Variants in PPP1R14C observed in about 807,000 individuals in gnomAD.
PPP1R14C encodes the protein protein phosphatase 1 regulatory subunit 14C.
A neutral mutation model predicts 20.4 loss-of-function variants in PPP1R14C; 16 were observed. The ratio of observed to expected loss-of-function variants is 0.78; its 90% CI spans 0.53 to 1.19. The LOEUF (loss-of-function observed/expected upper bound fraction) is 1.19, where lower values mean the gene tolerates loss of function less well. Among genes scored for constraint, PPP1R14C ranks in the 50% most tolerant of loss-of-function variants. PPP1R14C has a pLI of 0.00. For synonymous variants in PPP1R14C, 91 were observed against 91.0 expected, an observed-to-expected ratio of 1.00 and a Z score of 0.00; for missense variants, 211 against 220.1, an observed-to-expected ratio of 0.96 and a Z score of 0.26.
intron 3 of PPP1R14C, among the ~76,000 whole-genome samples, chr6:150,247,880 C>T (rs1466945334): frequency 6.6e-6 from 1 of 152,146 alleles, no homozygotes; most frequent in Non-Finnish European, 1.5e-5. Flanking sequence ...CTTAATGAGT[C>T]CCTGTCTTAG....
In PPP1R14C at chr6:150,249,454, C is replaced by T. The variant is rs938888909; in HGVS notation, c.*634C>T. ...ATTCAGTGTATCCGTTATTTTAATG[C>T]ACTACACCACAGAAATGTTAAGTTG... On this transcript the variant is annotated 3_prime_UTR_variant, in exon 4 of 4. Transcript: ENST00000361131. The T allele has an allele frequency of 1.0e-5, 4 of 398,500 alleles. No individual in the cohort carries two copies. Among genetic ancestry groups the T allele is most frequent in the African/African-American group, 4.1e-5 (2 of 48,624 alleles). 24.7% of individuals were successfully genotyped at this position (398,500 alleles called of 1,614,324 possible). A position where few individuals can be genotyped will look rare whatever the true frequency, so the allele number is the denominator to read the frequency against.
At chr6:150,209,490 ATG>A (rs1777993861) in intron 1 of PPP1R14C, among the ~76,000 whole-genome samples, 1 of 150,932 alleles carries the variant, frequency 6.6e-6, no homozygotes, top group African/African-American at 2.4e-5. Context: ...GGGTGTATTC[ATG>A]TGTGTGTATG....
At chr6:150,221,497 C>G (rs992014907) in intron 3 of PPP1R14C, among the ~76,000 whole-genome samples, 3 of 152,162 alleles carry the variant, frequency 2.0e-5, no homozygotes, top group Non-Finnish European at 4.4e-5. Flanking sequence ...TGTTATTGAT[C>G]AAAATTATTT....
At position 150,216,843 on chromosome 6, in the gene PPP1R14C, A is replaced by G; in HGVS notation, c.410A>G (p.Tyr137Cys). The change falls in exon 3 of 4, where the codon TAC (tyrosine) becomes TGC (cysteine). Residue 137 changes from tyrosine (Y) to cysteine (C), a missense_variant. Physicochemically the swap from Tyr to Cys is radical, Grantham distance 194. Transcript: ENST00000361131. ...TTCTAGGAAGCTCTTGTAGACTGCTACAAACCAACAGAGGTAAGCAAATCA... is the reference window on the plus strand; with the variant it reads ...TTCTAGGAAGCTCTTGTAGACTGCTGCAAACCAACAGAGGTAAGCAAATCA... Reference protein sequence around the residue: ...SKLQEALVDCYKPTEEFIKEL... With the variant: ...SKLQEALVDCCKPTEEFIKEL... The G allele has an allele frequency of 1.2e-6, 2 of 1,604,198 alleles. No homozygotes were observed. Among genetic ancestry groups the G allele is most frequent in the South Asian group, 1.1e-5 (1 of 88,950 alleles).
At chr6:150,170,783 T>C (rs1336915443) in intron 1 of PPP1R14C, among the ~76,000 whole-genome samples, 1 of 151,170 alleles carries the variant, frequency 6.6e-6, no homozygotes, top group Non-Finnish European at 1.5e-5. Flanking sequence ...CGACTCTTTT[T>C]TTTTTTTTTT....
At chr6:150,169,429 C>T (rs376111979) in intron 1 of PPP1R14C, among the ~76,000 whole-genome samples, 3 of 152,104 alleles carry the variant, frequency 2.0e-5, no homozygotes, top group South Asian at 4.1e-4. Context: ...TTACATATGA[C>T]GTCTTTGAAC....
chr6:150,229,983 G>A (rs777077571), intron 3 of PPP1R14C, among the ~76,000 whole-genome samples: 1 of 152,116 alleles, frequency 6.6e-6, no homozygotes, highest in African/African-American at 2.4e-5. Context: ...GCAAATCCCC[G>A]TGTCACACTG....
At chr6:150,163,071 A>G (rs1777387655) in intron 1 of PPP1R14C, among the ~76,000 whole-genome samples, 1 of 152,192 alleles carries the variant, frequency 6.6e-6, no homozygotes, top group Non-Finnish European at 1.5e-5. Context: ...TGAGGTAAAG[A>G]CATGAATGAG....
intron 1 of PPP1R14C, among the ~76,000 whole-genome samples, chr6:150,190,655 G>A (rs1175003002): frequency 6.6e-6 from 1 of 152,038 alleles, no homozygotes; most frequent in Non-Finnish European, 1.5e-5. Context: ...TTGATTTCTT[G>A]AGCTCGTGAT....
intron 3 of PPP1R14C, among the ~76,000 whole-genome samples, chr6:150,242,109 C>A (rs1045421891): frequency 6.6e-6 from 1 of 151,864 alleles, no homozygotes; most frequent in Non-Finnish European, 1.5e-5. Flanking sequence ...CTCAAACACA[C>A]AACAAAACAA....
intron 1 of PPP1R14C, among the ~76,000 whole-genome samples, chr6:150,191,108 T>C (rs1777736679): frequency 6.6e-6 from 1 of 152,176 alleles, no homozygotes; most frequent in Admixed American, 6.5e-5. Context: ...CTCTGCAGCT[T>C]ACTGTTCCCT....
At chr6:150,229,906 T>A (rs994084658) in intron 3 of PPP1R14C, among the ~76,000 whole-genome samples, 1 of 152,086 alleles carries the variant, frequency 6.6e-6, no homozygotes, top group African/African-American at 2.4e-5. Context: ...ATTAAATGTG[T>A]CAGTGGTGAG....
intron 3 of PPP1R14C, among the ~76,000 whole-genome samples, chr6:150,245,944 T>C (rs543919160): frequency 2.5e-4 from 38 of 152,328 alleles, no homozygotes; most frequent in Non-Finnish European, 4.4e-4. Context: ...CAACATAGTG[T>C]ATTAAGATAT....
chr6:150,178,599 C>T (rs1777588280), intron 1 of PPP1R14C, among the ~76,000 whole-genome samples: 1 of 152,232 alleles, frequency 6.6e-6, no homozygotes, highest in South Asian at 2.1e-4. Context: ...CCAACCTAAG[C>T]ATAGCTCTAT....
At chr6:150,150,757 C>T (rs537432001) in intron 1 of PPP1R14C, among the ~76,000 whole-genome samples, 8 of 152,298 alleles carry the variant, frequency 5.3e-5, no homozygotes, top group Non-Finnish European at 1.0e-4. Context: ...AGCCACCCTC[C>T]AGGCACTTCA....
At chr6:150,211,836 C>G (rs1778027457) in intron 1 of PPP1R14C, among the ~76,000 whole-genome samples, 1 of 152,158 alleles carries the variant, frequency 6.6e-6, no homozygotes, top group African/African-American at 2.4e-5. Context: ...CCTTTCTCTT[C>G]CTATGCCTCT....
chr6:150,163,415 C>G (rs1777392580), intron 1 of PPP1R14C, among the ~76,000 whole-genome samples: 1 of 152,070 alleles, frequency 6.6e-6, no homozygotes, highest in Non-Finnish European at 1.5e-5. Flanking sequence ...CAACAAAAAA[C>G]TTTTTATTGT....
intron 1 of PPP1R14C, among the ~76,000 whole-genome samples, chr6:150,144,234 G>A (rs1021436489): frequency 6.6e-6 from 1 of 152,204 alleles, no homozygotes; most frequent in Non-Finnish European, 1.5e-5. Flanking sequence ...GAGCCCTGCG[G>A]GGGGCCTGCG....
At chr6:150,212,456 A>G (rs1371625541) in intron 1 of PPP1R14C, among the ~76,000 whole-genome samples, 1 of 151,698 alleles carries the variant, frequency 6.6e-6, no homozygotes, top group Non-Finnish European at 1.5e-5. Flanking sequence ...GAGGCTCTAC[A>G]CTGCTATGCA....
Sources: gnomAD v4.1 joint callset for allele counts (sites outside exome capture counted in the v4.1 genomes callset) on GRCh38, gnomAD v4.1.1 for gene constraint, MANE v1.5 for transcripts, NCBI Gene and HGNC (gene_info 2026-07-23, HGNC 2026-07-21) for gene names.